DYSF: variants seen among roughly 807,000 people sequenced by gnomAD.
DYSF encodes dystrophy-associated fer-1-like 1.
Under a neutral mutation model 274.9 loss-of-function variants are expected in DYSF, and 212 were observed. That is an observed-to-expected ratio of 0.77 (90% confidence interval 0.69 to 0.86). DYSF has a LOEUF of 0.86. Among genes scored for constraint, DYSF ranks in the 40% least tolerant of loss-of-function variants. The pLI, the probability that DYSF is intolerant of heterozygous loss-of-function variation, is 0.00. For synonymous variants in DYSF, 1,091 were observed against 1,078.7 expected (o/e 1.01, Z -0.22); for missense variants, 2,666 against 2,783.2 (o/e 0.96, Z 0.95).
At chr2:71,624,049 A>T (rs996597021) in intron 41 of DYSF, among the ~76,000 whole-genome samples, 2 of 143,100 alleles carry the variant, frequency 1.4e-5, no homozygotes, top group Non-Finnish European at 3.1e-5. Context: ...ATCCTGGGTG[A>T]CAAAGTGAGA....
chr2:71,482,004 G>A (rs1325560878), intron 3 of DYSF, 34 bp downstream of exon 3: 2 of 1,561,042 alleles, frequency 1.3e-6, no homozygotes, highest in East Asian at 4.5e-5. Flanking sequence ...TCCATGGCTT[G>A]AAGGTGCAGG....
intron 4 of DYSF, among the ~76,000 whole-genome samples, chr2:71,506,934 G>A (rs2085534338): frequency 6.6e-6 from 1 of 152,128 alleles, no homozygotes; most frequent in Non-Finnish European, 1.5e-5. Flanking sequence ...CTCATTCAAG[G>A]GCCCAGAGCA....
intron 1 of DYSF, among the ~76,000 whole-genome samples, chr2:71,478,368 T>C (rs181136801): frequency 0.01 from 1,578 of 152,028 alleles, 9 homozygotes; most frequent in Non-Finnish European, 0.017. Flanking sequence ...CCAGCCACCA[T>C]GCCCGGCTAA....
intron 17 of DYSF, among the ~76,000 whole-genome samples, chr2:71,544,578 G>C (rs1010986024): frequency 3.3e-5 from 5 of 150,412 alleles, no homozygotes; most frequent in African/African-American, 1.2e-4. Flanking sequence ...TCCTGCCTCA[G>C]CCTTCCAAGG....
chr2:71,488,178 A>G (rs1029790915), intron 3 of DYSF, among the ~76,000 whole-genome samples: 13 of 152,246 alleles, frequency 8.5e-5, no homozygotes, highest in African/African-American at 2.4e-4. Context: ...ATTGTCCCCA[A>G]TGAAAAGAAT....
At chr2:71,501,404 T>C (rs1315150150) in intron 3 of DYSF, among the ~76,000 whole-genome samples, 1 of 152,222 alleles carries the variant, frequency 6.6e-6, no homozygotes, top group Non-Finnish European at 1.5e-5. Context: ...TTTTTAATTT[T>C]AAGTTTTATT....
chr2:71,684,377 T>C (rs12329101), intron 55 of DYSF, among the ~76,000 whole-genome samples: 2,688 of 152,264 alleles, frequency 0.018, 81 homozygotes, highest in African/African-American at 0.062. Flanking sequence ...CCAGCCTGCC[T>C]CAAGCTCCTC....
In DYSF at chr2:71,600,731, C is replaced by G. The variant is rs774546686; in HGVS notation, c.3786C>G (p.Ile1262Met). Residue 1262 changes from isoleucine (I) to methionine (M), a missense_variant, in exon 34 of 56, where the codon ATC (isoleucine) becomes ATG (methionine). Ile to Met is a conservative substitution (Grantham distance 10). Around this residue, in one of 3 missense-constraint regions of DYSF, gnomAD observed 1,460 missense variants for 1,502.1 expected, o/e 0.97. Transcript: ENST00000410020. ...CAGACGAGTTTATGGGTCGCTGCATCTGTCAACCGAGTCTGGAACGGATGC... is the reference window on the plus strand; with the variant it reads ...CAGACGAGTTTATGGGTCGCTGCATGTGTCAACCGAGTCTGGAACGGATGC... ...YGADEFMGRC[I>M]CQPSLERMPR... 2 of 1,614,154 alleles carry G rather than the reference C, an allele frequency of 1.2e-6. No individual in the cohort carries two copies. Among genetic ancestry groups the G allele is most frequent in the South Asian group, 2.2e-5 (2 of 91,088 alleles).
At chr2:71,626,139 C>A (rs1207755076) in intron 41 of DYSF, among the ~76,000 whole-genome samples, 1 of 151,578 alleles carries the variant, frequency 6.6e-6, no homozygotes, top group Non-Finnish European at 1.5e-5. Context: ...ATTTTATTTT[C>A]TTGTCTTATT....
At chr2:71,667,804 T>C (rs2095043955) in intron 48 of DYSF, among the ~76,000 whole-genome samples, 1 of 152,142 alleles carries the variant, frequency 6.6e-6, no homozygotes, top group South Asian at 2.1e-4. Context: ...TCCTGAAGCC[T>C]CTCTGTTTCA....
intron 3 of DYSF, among the ~76,000 whole-genome samples, chr2:71,497,586 T>C (rs1390893362): frequency 6.6e-6 from 1 of 152,178 alleles, no homozygotes; most frequent in Non-Finnish European, 1.5e-5. Flanking sequence ...CTCTTTCCTT[T>C]CTGAATTACC....
rs144634077 is a variant in DYSF at position 71,589,599 on chromosome 2, G to A, written c.3409G>A (p.Val1137Met). ...ACCAGCTTCGTGTCTCCAGGGCGGC[G>A]TGATGGATGACAAGAGTGAAGATTC... Reference protein sequence around the residue: ...VFALEGALGGVMDDKSEDSMS... With the variant: ...VFALEGALGGMMDDKSEDSMS... Residue 1137 changes from valine to methionine, a missense_variant, in exon 31 of 56, where the codon GTG (valine) becomes ATG (methionine). This residue lies in a region of DYSF where 1,460 missense variants were observed against 1,502.1 expected (regional missense o/e 0.97). Coordinates refer to ENST00000410020, the MANE Select transcript of DYSF (RefSeq NM_001130987.2). The A allele has an allele frequency of 1.1e-4, 171 of 1,613,944 alleles. 1 individual carries two copies. Among genetic ancestry groups the A allele is most frequent in the South Asian group, 1.0e-3 (91 of 91,084 alleles).
chr2:71,587,625 A>G (rs1353432629), intron 30 of DYSF, among the ~76,000 whole-genome samples: 2 of 152,158 alleles, frequency 1.3e-5, no homozygotes, highest in African/African-American at 4.8e-5. Context: ...AATCAAAGCA[A>G]CTCTCTAAAA....
Position 71,551,608 on chromosome 2 carries a change from G to T in DYSF, c.1694G>T (p.Gly565Val), listed in dbSNP as rs1183150795. ...DPYTELNTGK[G>V]EGVAYRGRLL... ...CTTGTGACCTGACCTCCCTGGCAGG[G>T]GGAAGGTGTGGCTTATCGTGGCCGG... Residue 565 changes from glycine (G) to valine (V), a missense_variant and splice_region_variant, in exon 19 of 56, where the codon GGG becomes GTG. By Grantham distance (109) the Gly-to-Val change is moderately radical. This residue lies in a region of DYSF where 794 missense variants were observed against 777.1 expected (regional missense o/e 1.02). Coordinates refer to ENST00000410020, the MANE Select transcript of DYSF (RefSeq NM_001130987.2). 1.2e-6 allele frequency: 2 copies of T among 1,604,164 alleles called. No homozygotes were observed. Among genetic ancestry groups the T allele is most frequent in the South Asian group, 1.1e-5 (1 of 88,600 alleles).
chr2:71,519,628 T>C (rs758510432), intron 10 of DYSF, among the ~76,000 whole-genome samples: 1 of 152,110 alleles, frequency 6.6e-6, no homozygotes, highest in East Asian at 1.9e-4. Context: ...AACATAGTCC[T>C]ATTGTGTTGA....
At chr2:71,537,298 G>C (rs2089477370) in intron 16 of DYSF, among the ~76,000 whole-genome samples, 1 of 145,542 alleles carries the variant, frequency 6.9e-6, no homozygotes, top group Admixed American at 7.1e-5. Context: ...CCAGGCTGGA[G>C]TCCAATGGCG....
chr2:71,612,972 G>A (rs1432490906), intron 39 of DYSF, among the ~76,000 whole-genome samples, 166 bp downstream of exon 39: 7 of 152,210 alleles, frequency 4.6e-5, no homozygotes, highest in Admixed American at 4.6e-4. Flanking sequence ...TTAGGGCAGA[G>A]CCTAGCTCTG....
intron 3 of DYSF, among the ~76,000 whole-genome samples, chr2:71,493,161 T>C (rs575130188): frequency 9.9e-5 from 15 of 152,186 alleles, no homozygotes; most frequent in Admixed American, 4.6e-4. Context: ...AGTGGTGGGA[T>C]TACAGGAGGG....
At chr2:71,553,319 G>T (rs2091095731) in intron 20 of DYSF, 131 bp downstream of exon 20, 3 of 1,319,582 alleles carry the variant, frequency 2.3e-6, no homozygotes, top group Non-Finnish European at 1.1e-6. Context: ...TGGCAAACCT[G>T]TTCCAGCTGT....
Sources: allele counts gnomAD v4.1 joint callset (sites outside exome capture counted in the v4.1 genomes callset), GRCh38; gene constraint gnomAD v4.1.1; regional missense constraint gnomAD v4.1.1; transcripts MANE v1.5; gene names NCBI Gene and HGNC (gene_info 2026-07-23, HGNC 2026-07-21).